Variants in ZDHHC20 observed in about 807,000 individuals in gnomAD.
ZDHHC20 encodes zDHHC palmitoyltransferase 20.
A neutral mutation model predicts 57.8 loss-of-function variants in ZDHHC20; 43 were observed. That is an observed-to-expected ratio of 0.74 (90% confidence interval 0.58 to 0.96). The LOEUF (loss-of-function observed/expected upper bound fraction) is 0.96. Ranked by LOEUF, ZDHHC20 falls within the 40% of genes least tolerant of loss-of-function variation. The pLI is 0.00. For missense variants in ZDHHC20, 391 were observed against 441.1 expected, an observed-to-expected ratio of 0.89 and a Z score of 1.02; for synonymous variants, 157 against 153.0, an observed-to-expected ratio of 1.03 and a Z score of -0.19.
At chr13:21,389,496 T>C (rs576615686) in intron 8 of ZDHHC20, among the ~76,000 whole-genome samples, 2 of 152,350 alleles carry the variant, frequency 1.3e-5, no homozygotes, top group South Asian at 2.1e-4. Flanking sequence ...TTGTTTTATT[T>C]ATATAATTTT....
intron 1 of ZDHHC20, among the ~76,000 whole-genome samples, chr13:21,448,819 G>A (rs373041738): frequency 4.1e-4 from 37 of 89,848 alleles, no homozygotes; most frequent in African/African-American, 1.0e-3. Flanking sequence ...GATGGTTGCC[G>A]TGTCTGTGTA....
At chr13:21,400,294 T>G in intron 7 of ZDHHC20, 79 bp downstream of exon 7, 1 of 1,353,480 alleles carries the variant, frequency 7.4e-7, no homozygotes, top group Non-Finnish European at 9.9e-7. Flanking sequence ...CTACTTGTCA[T>G]AAAAAATAAA....
chr13:21,383,384 G>A (rs914669495), intron 9 of ZDHHC20, among the ~76,000 whole-genome samples: 3 of 152,288 alleles, frequency 2.0e-5, no homozygotes, highest in Non-Finnish European at 4.4e-5. Flanking sequence ...CATATAAAAC[G>A]TGAGTTGCTT....
At chr13:21,421,297 A>G in intron 2 of ZDHHC20, 133 bp from the exon 3 acceptor site, 1 of 677,028 alleles carries the variant, frequency 1.5e-6, no homozygotes, top group Non-Finnish European at 2.6e-6. Flanking sequence ...TGAAACATCA[A>G]ATATATAAAC....
intron 3 of ZDHHC20, among the ~76,000 whole-genome samples, chr13:21,417,868 G>A (rs1007074823): frequency 2.6e-5 from 4 of 152,140 alleles, no homozygotes; most frequent in South Asian, 2.1e-4. Context: ...ACCAACTTCT[G>A]AGCTGACAGA....
At chr13:21,411,651 T>C (rs1879233475) in intron 4 of ZDHHC20, among the ~76,000 whole-genome samples, 1 of 152,168 alleles carries the variant, frequency 6.6e-6, no homozygotes, top group Non-Finnish European at 1.5e-5. Flanking sequence ...ACAGACCTTG[T>C]AAGAAAAGGA....
At chr13:21,395,496 CTTT>C (rs201405874) in intron 7 of ZDHHC20, among the ~76,000 whole-genome samples, 3 of 120,478 alleles carry the variant, frequency 2.5e-5, no homozygotes, top group Non-Finnish European at 5.2e-5. Flanking sequence ...CTTTTCTTTT[CTTT>C]TTTTTTTTTT....
chr13:21,391,096 G>A (rs1337919822), intron 8 of ZDHHC20, among the ~76,000 whole-genome samples: 1 of 151,272 alleles, frequency 6.6e-6, no homozygotes, highest in Non-Finnish European at 1.5e-5. Flanking sequence ...CCAGGCTGGA[G>A]TGCAATGGTG....
chr13:21,400,604 C>A (rs1479332728), intron 6 of ZDHHC20, 111 bp from the exon 7 acceptor site: 1 of 1,053,974 alleles, frequency 9.5e-7, no homozygotes, highest in Non-Finnish European at 1.4e-6. Flanking sequence ...GGAAGGGGAG[C>A]TTTTTAATGC....
intron 4 of ZDHHC20, among the ~76,000 whole-genome samples, chr13:21,408,813 T>C (rs1403521485): frequency 6.6e-6 from 1 of 152,220 alleles, no homozygotes; most frequent in Non-Finnish European, 1.5e-5. Flanking sequence ...TGAGTGTTTT[T>C]AGCATGAAAG....
At chr13:21,427,608 T>C (rs4770155) in intron 1 of ZDHHC20, among the ~76,000 whole-genome samples, 116,642 of 151,800 alleles carry the variant, frequency 0.77, 45,210 homozygotes, top group East Asian at 1. Flanking sequence ...CTGAGATGGG[T>C]GGATCACTTG....
chr13:21,374,301 T>C lies in ZDHHC20; in HGVS notation c.*2395A>G, dbSNP rs1416393880. 2.5e-6 allele frequency: 1 copy of C among 404,074 alleles called. No homozygotes were observed. Among genetic ancestry groups the C allele is most frequent in the Non-Finnish European group, 5.1e-6 (1 of 195,186 alleles). 25.0% of individuals were successfully genotyped at this position (404,074 alleles called of 1,614,324 possible). A position where few individuals can be genotyped will look rare whatever the true frequency, so the allele number is the denominator to read the frequency against. ...GTGCAGTGGCACGATCTCGGCTCAC[T>C]GCGACCTCCACCTCCTGGGTTCAAG... On this transcript the variant is annotated 3_prime_UTR_variant, in exon 13 of 13. Transcript: ENST00000400590.
At chr13:21,403,967 C>T (rs1269812186) in intron 4 of ZDHHC20, among the ~76,000 whole-genome samples, 5 of 152,032 alleles carry the variant, frequency 3.3e-5, no homozygotes, top group East Asian at 3.9e-4. Context: ...GGATTACAGG[C>T]GTGAGCCACC....
chr13:21,381,585 A>T, intron 10 of ZDHHC20, 36 bp from the exon 11 acceptor site: 2 of 1,394,558 alleles, frequency 1.4e-6, no homozygotes, highest in Non-Finnish European at 2.0e-6. Context: ...TAAACAGCTT[A>T]ATGCTCAACT....
intron 1 of ZDHHC20, among the ~76,000 whole-genome samples, chr13:21,452,598 T>C (rs541673194): frequency 1.3e-5 from 2 of 152,280 alleles, no homozygotes; most frequent in South Asian, 4.1e-4. Context: ...TTAAAAACTA[T>C]TAATATAATC....
chr13:21,406,196 T>C (rs957643696), intron 4 of ZDHHC20, among the ~76,000 whole-genome samples: 1 of 152,208 alleles, frequency 6.6e-6, no homozygotes, highest in Admixed American at 6.5e-5. Flanking sequence ...ACTTACAGCA[T>C]CTAAGCAACT....
chr13:21,433,669 T>C (rs918409927), intron 1 of ZDHHC20, among the ~76,000 whole-genome samples: 10 of 151,938 alleles, frequency 6.6e-5, no homozygotes, highest in African/African-American at 1.5e-4. Context: ...GTTTTGTTTT[T>C]TGTTTGTTTG....
intron 7 of ZDHHC20, 59 bp downstream of exon 7, chr13:21,400,314 T>G: frequency 6.9e-7 from 1 of 1,445,186 alleles, no homozygotes; most frequent in Non-Finnish European, 9.3e-7. Flanking sequence ...AGTAATTTAT[T>G]AGGAAGATAG....
chr13:21,380,714 C>T (rs1419564472), intron 11 of ZDHHC20, among the ~76,000 whole-genome samples: 1 of 151,412 alleles, frequency 6.6e-6, no homozygotes, highest in Non-Finnish European at 1.5e-5. Context: ...ATCACTTGAA[C>T]CCGGGAGGCG....
Sources: allele counts gnomAD v4.1 joint callset (sites outside exome capture counted in the v4.1 genomes callset), GRCh38; gene constraint gnomAD v4.1.1; transcripts MANE v1.5; gene names NCBI Gene and HGNC (gene_info 2026-07-23, HGNC 2026-07-21).